UMPS: variants seen among roughly 807,000 people sequenced by gnomAD.
UMPS encodes uridine monophosphate synthetase.
UMPS carries 21 observed loss-of-function variants against 38.9 expected under a neutral mutation model. The observed-to-expected ratio is 0.54, with a 90% CI of 0.38 to 0.78. UMPS has a LOEUF of 0.78. UMPS is among the 30% of genes least tolerant of loss of function. The pLI is 0.00. For synonymous variants in UMPS, 208 were observed against 219.3 expected, an observed-to-expected ratio of 0.95 and a Z score of 0.45; for missense variants, 533 against 591.6, an observed-to-expected ratio of 0.90 and a Z score of 1.03.
chr3:124,737,954 C>T lies in UMPS; in HGVS notation c.697C>T (p.Leu233=), dbSNP rs1293443790. The change falls in exon 3 of 6, where the codon CTG becomes TTG. Residue 233 remains leucine, a synonymous_variant. Coordinates refer to ENST00000232607, the MANE Select transcript of UMPS (RefSeq NM_000373.4). The part of the protein sequence containing the change: ...KELSFGARAE[L]PRIHPVASKL... ...ACTCAGCTTCGGTGCACGTGCAGAGCTGCCCAGGATCCACCCAGTTGCATC... is the reference window on the plus strand; with the variant it reads ...ACTCAGCTTCGGTGCACGTGCAGAGTTGCCCAGGATCCACCCAGTTGCATC... 1.9e-6 allele frequency: 3 copies of T among 1,614,230 alleles called. No homozygotes were observed. The highest frequency in any genetic ancestry group is 2.5e-6 in the Non-Finnish European group (3 of 1,180,040).
chr3:124,744,246 T>G lies in UMPS; in HGVS notation c.*162T>G. The G allele has an allele frequency of 1.2e-6, 1 of 838,672 alleles. No homozygotes were observed. Among genetic ancestry groups the G allele is most frequent in the Non-Finnish European group, 1.9e-6 (1 of 515,022 alleles). The allele number at this position is 838,672 out of a possible 1,614,324, so 52.0% of individuals were successfully genotyped here. The stretch of plus-strand genomic sequence containing the variant: ...AGTTCTCATGGTCTTTAGGAAATAT[T>G]GAGTAATTTGTAATCACCGCATTGA... On this transcript the variant is annotated 3_prime_UTR_variant, in exon 6 of 6. Coordinates refer to ENST00000232607, the MANE Select transcript of UMPS (RefSeq NM_000373.4).
In UMPS at chr3:124,737,873, T is replaced by A; in HGVS notation, c.616T>A (p.Phe206Ile). 1 of 1,614,224 alleles carries A rather than the reference T, an allele frequency of 6.2e-7. No individual in the cohort carries two copies. The highest frequency in any genetic ancestry group is 8.5e-7 in the Non-Finnish European group (1 of 1,180,036). The change falls in exon 3 of 6, where the codon TTT (phenylalanine) becomes ATT (isoleucine). Residue 206 changes from phenylalanine to isoleucine, a missense_variant. Phe to Ile is a conservative substitution (Grantham distance 21, BLOSUM62 0). Transcript: ENST00000232607. The part of the protein sequence containing the change: ...RVKRFIQENV[F>I]VAANHNGSPL... ...GAAGAGGTTTATTCAGGAGAATGTC[T>A]TTGTGGCAGCGAATCATAATGGTTC...
In UMPS at chr3:124,746,326, T is replaced by C. The variant is rs1242544024; in HGVS notation, c.*2242T>C. 2.2e-6 allele frequency: 1 copy of C among 454,012 alleles called. No homozygotes were observed. The highest frequency in any genetic ancestry group is 4.4e-6 in the Non-Finnish European group (1 of 226,798). 28.1% of individuals were successfully genotyped at this position (454,012 alleles called of 1,614,324 possible). A position where few individuals can be genotyped will look rare whatever the true frequency, so the allele number is the denominator to read the frequency against. ...ATCAGAGTTTCTGCGTTAGCAGATT[T>C]GTGGTTTGCCCAGCAGCCTGGGCGT... On this transcript the variant is annotated 3_prime_UTR_variant, in exon 6 of 6. Coordinates refer to ENST00000232607, the MANE Select transcript of UMPS (RefSeq NM_000373.4).
intron 1 of UMPS, among the ~76,000 whole-genome samples, 199 bp from the exon 2 acceptor site, chr3:124,734,894 G>A (rs17843804): frequency 0.025 from 3,767 of 152,150 alleles, 180 homozygotes; most frequent in African/African-American, 0.086. Flanking sequence ...AGTGGTGCGC[G>A]CCTGTAATCT....
rs1382702090 is a variant in UMPS, at chr3:124,737,801, A to T, written c.544A>T (p.Ile182Phe). 6.2e-7 allele frequency: 1 copy of T among 1,614,220 alleles called. No individual in the cohort carries two copies. ...SVCTLSKMLEILEQQKKVDAE... is the reference protein window; with the variant it reads ...SVCTLSKMLEFLEQQKKVDAE... ...GTGTACATTGTCCAAAATGCTGGAG[A>T]TTCTCGAGCAGCAGAAAAAAGTTGA... Residue 182 changes from isoleucine (I) to phenylalanine (F), a missense_variant, in exon 3 of 6, where the codon ATT becomes TTT. Coordinates refer to ENST00000232607, the MANE Select transcript of UMPS (RefSeq NM_000373.4).
intron 4 of UMPS, 66 bp downstream of exon 4, chr3:124,740,265 T>C (rs550005294): frequency 3.4e-6 from 5 of 1,485,124 alleles, no homozygotes; most frequent in Non-Finnish European, 4.5e-6. Context: ...CAAGAAGATA[T>C]CTCCTAATCT....
chr3:124,742,081 G>A (rs1228752691), intron 4 of UMPS, 71 bp from the exon 5 acceptor site: 1 of 974,612 alleles, frequency 1.0e-6, no homozygotes. Context: ...TGAAAAAATA[G>A]AGCATATTTT....
intron 5 of UMPS, among the ~76,000 whole-genome samples, chr3:124,743,100 G>A (rs772473934): frequency 4.6e-5 from 7 of 152,148 alleles, no homozygotes; most frequent in Non-Finnish European, 7.3e-5. Context: ...TTGTGAGGCC[G>A]AGGTGGGCAG....
intron 4 of UMPS, 85 bp from the exon 5 acceptor site, chr3:124,742,067 G>C: frequency 1.1e-6 from 1 of 934,188 alleles, no homozygotes; most frequent in South Asian, 1.5e-5. Context: ...TTTTTTTTAA[G>C]TTTTGAAAAA....
Position 124,747,621 on chromosome 3 carries a change from G to T in UMPS, c.*3537G>T. On this transcript the variant is annotated 3_prime_UTR_variant, in exon 6 of 6. Transcript: ENST00000232607. ...CCAGCTGATCTGTAAGCCTGGGAGCGTGATAAATGCTTAGTAGTGCATGCC... is the reference window on the plus strand; with the variant it reads ...CCAGCTGATCTGTAAGCCTGGGAGCTTGATAAATGCTTAGTAGTGCATGCC... 2.2e-6 allele frequency: 1 copy of T among 450,638 alleles called. No homozygotes were observed. The highest frequency in any genetic ancestry group is 4.5e-6 in the Non-Finnish European group (1 of 223,802). 27.9% of individuals were successfully genotyped at this position (450,638 alleles called of 1,614,324 possible).
rs1395475369 is a variant in UMPS at position 124,745,474 on chromosome 3, C to T, written c.*1390C>T. 6.6e-6 allele frequency: 3 copies of T among 453,832 alleles called. No homozygotes were observed. The highest frequency in any genetic ancestry group is 1.6e-5 in the South Asian group (1 of 64,460). The allele number at this position is 453,832 out of a possible 1,614,324, so 28.1% of individuals were successfully genotyped here. On this transcript the variant is annotated 3_prime_UTR_variant, in exon 6 of 6. Coordinates refer to ENST00000232607, the MANE Select transcript of UMPS (RefSeq NM_000373.4). ...TGCCTCTCTGGTTCAAGCAGTTCTC[C>T]TGCCTCAGCCTCCCGAGTAGCTGGG... is the stretch of plus-strand genomic sequence containing the variant.
chr3:124,732,597 T>C (rs1248538109), intron 1 of UMPS: 1 of 154,828 alleles, frequency 6.5e-6, no homozygotes, highest in Non-Finnish European at 1.5e-5. Context: ...CGTGTTACTA[T>C]TGAGCATTAT....
At chr3:124,731,004 A>G (rs1238114407) in intron 1 of UMPS, among the ~76,000 whole-genome samples, 3 of 152,186 alleles carry the variant, frequency 2.0e-5, no homozygotes, top group Non-Finnish European at 4.4e-5. Context: ...CTAAGTGGGC[A>G]GATCACCTGA....
chr3:124,730,477 G>T lies in UMPS; in HGVS notation c.6G>T (p.Ala2=). The stretch of plus-strand genomic sequence containing the variant: ...CAAACAGGCAGCGCGCGACAATGGC[G>T]GTCGCTCGTGCAGCTTTGGGGCCAT... The part of the protein sequence containing the change: M[A]VARAALGPLV... The change falls in exon 1 of 6, where the codon GCG becomes GCT. Residue 2 remains alanine, a synonymous_variant. Transcript: ENST00000232607. 2 of 1,614,132 alleles carry T rather than the reference G, an allele frequency of 1.2e-6. No individual in the cohort carries two copies. The highest frequency in any genetic ancestry group is 1.7e-6 in the Non-Finnish European group (2 of 1,179,978).
intron 3 of UMPS, among the ~76,000 whole-genome samples, chr3:124,738,896 T>G (rs2063536476): frequency 6.6e-6 from 1 of 152,276 alleles, no homozygotes; most frequent in Non-Finnish European, 1.5e-5. Flanking sequence ...TTTACAACTG[T>G]GTGATCAGAC....
At position 124,747,572 on chromosome 3, in the gene UMPS, T is replaced by A; in HGVS notation, c.*3488T>A. 2.2e-6 allele frequency: 1 copy of A among 452,962 alleles called. No homozygotes were observed. The highest frequency in any genetic ancestry group is 6.9e-4 in the Middle Eastern group (1 of 1,440). The allele number at this position is 452,962 out of a possible 1,614,324, so 28.1% of individuals were successfully genotyped here. On this transcript the variant is annotated 3_prime_UTR_variant, in exon 6 of 6. Coordinates refer to ENST00000232607, the MANE Select transcript of UMPS (RefSeq NM_000373.4). ...AAGTAGAGCAGAGCCTACTCCAGCC[T>A]CCCCCGTCCAATGTATGAAAGCCCC...
rs2063576870 is a variant in UMPS at position 124,743,945 on chromosome 3, C to T, written c.1304C>T (p.Pro435Leu). Residue 435 changes from proline (P) to leucine (L), a missense_variant, in exon 6 of 6, where the codon CCA becomes CTA. Pro to Leu is a moderately conservative substitution (Grantham distance 98). Transcript: ENST00000232607. ...GDNLGQQYNSPQEVIGKRGSD... is the reference protein window; with the variant it reads ...GDNLGQQYNSLQEVIGKRGSD... ...AATCTTGGCCAACAGTACAATAGCC[C>T]ACAAGAAGTTATTGGCAAACGAGGT... 7 of 1,614,006 alleles carry T rather than the reference C, an allele frequency of 4.3e-6. No individual in the cohort carries two copies. Among genetic ancestry groups the T allele is most frequent in the African/African-American group, 2.7e-5 (2 of 74,912 alleles).
intron 4 of UMPS, among the ~76,000 whole-genome samples, chr3:124,740,433 G>A (rs911655405): frequency 6.6e-6 from 1 of 152,110 alleles, no homozygotes; most frequent in Non-Finnish European, 1.5e-5. Context: ...GAAACTTTGA[G>A]ACCCAGATAG....
rs1483115777 is a variant in UMPS, at chr3:124,746,821, G to A, written c.*2737G>A. 2 of 452,958 alleles carry A rather than the reference G, an allele frequency of 4.4e-6. No homozygotes were observed. Among genetic ancestry groups the A allele is most frequent in the African/African-American group, 4.0e-5 (2 of 49,846 alleles). The allele number at this position is 452,958 out of a possible 1,614,324, so 28.1% of individuals were successfully genotyped here. ...TGCATGCGCGCGCGTGCGCACTGGA[G>A]GAACCTAAGAAACTATTTGGTGCAC... On this transcript the variant is annotated 3_prime_UTR_variant, in exon 6 of 6. Transcript: ENST00000232607.
Sources: gnomAD v4.1 joint callset for allele counts (sites outside exome capture counted in the v4.1 genomes callset) on GRCh38, gnomAD v4.1.1 for gene constraint, MANE v1.5 for transcripts, NCBI Gene and HGNC (gene_info 2026-07-23, HGNC 2026-07-21) for gene names.